DPP10: variants seen among roughly 807,000 people sequenced by gnomAD.
DPP10 encodes inactive dipeptidyl peptidase 10.
DPP10 carries 33 observed loss-of-function variants against 120.9 expected under a neutral mutation model. The ratio of observed to expected loss-of-function variants is 0.27; its 90% CI spans 0.21 to 0.37. The LOEUF is 0.37. Ranked by LOEUF, DPP10 falls within the 10% of genes least tolerant of loss-of-function variation. The pLI, the probability that DPP10 is intolerant of heterozygous loss-of-function variation, is 1.00. For synonymous variants in DPP10, 337 were observed against 326.1 expected (o/e 1.03, Z -0.36); for missense variants, 816 against 942.8 (o/e 0.87, Z 1.76).
intron 1 of DPP10, among the ~76,000 whole-genome samples, chr2:114,766,694 A>G (rs538043507): frequency 6.6e-5 from 10 of 152,340 alleles, no homozygotes; most frequent in African/African-American, 2.2e-4. Context: ...TACAAATTGT[A>G]TAATTTCATT....
intron 5 of DPP10, among the ~76,000 whole-genome samples, chr2:115,644,713 T>G (rs1237897063): frequency 6.6e-6 from 1 of 151,834 alleles, no homozygotes; most frequent in Non-Finnish European, 1.5e-5. Context: ...AGCCCAGGAG[T>G]TTGGGGCTGC....
At chr2:114,787,271 G>A (rs942087285) in intron 1 of DPP10, among the ~76,000 whole-genome samples, 10 of 152,116 alleles carry the variant, frequency 6.6e-5, no homozygotes, top group African/African-American at 2.4e-4. Context: ...GCAAAACCAT[G>A]GGGGCAGGAA....
intron 5 of DPP10, among the ~76,000 whole-genome samples, chr2:115,540,961 T>A (rs528536043): frequency 1.2e-3 from 185 of 151,986 alleles, no homozygotes; most frequent in African/African-American, 4.1e-3. Flanking sequence ...ATGGCATAGA[T>A]GTTCATTTAC....
chr2:115,045,076 A>T (rs1010381863), intron 1 of DPP10, among the ~76,000 whole-genome samples: 3 of 152,226 alleles, frequency 2.0e-5, no homozygotes, highest in Non-Finnish European at 2.9e-5. Flanking sequence ...GCTGCAATAA[A>T]TACAGAGTGC....
chr2:114,586,971 A>G (rs934496313), intron 1 of DPP10, among the ~76,000 whole-genome samples: 1 of 152,174 alleles, frequency 6.6e-6, no homozygotes, highest in Middle Eastern at 3.2e-3. Flanking sequence ...TATGGCCTGC[A>G]AAACCATAAG....
intron 1 of DPP10, among the ~76,000 whole-genome samples, chr2:115,043,553 C>G (rs190193125): frequency 4.1e-4 from 63 of 152,290 alleles, no homozygotes; most frequent in African/African-American, 1.1e-3. Flanking sequence ...CCACAGATTA[C>G]ATAGTAAACT....
chr2:114,861,431 C>G (rs530108620), intron 1 of DPP10, among the ~76,000 whole-genome samples: 1 of 152,156 alleles, frequency 6.6e-6, no homozygotes, highest in East Asian at 1.9e-4. Context: ...GTATCATTCT[C>G]AACTGAATGA....
At chr2:115,258,478 G>T in intron 1 of DPP10, among the ~76,000 whole-genome samples, 2 of 119,800 alleles carry the variant, frequency 1.7e-5, no homozygotes, top group Admixed American at 9.4e-5. Context: ...ATCCAAGTTG[G>T]CAAAAAAAAA....
intron 1 of DPP10, among the ~76,000 whole-genome samples, chr2:115,176,130 G>A (rs994611372): frequency 3.3e-5 from 5 of 151,898 alleles, no homozygotes; most frequent in Non-Finnish European, 7.4e-5. Context: ...TGAGCCTGTA[G>A]CAAAATTACA....
chr2:115,586,615 GA>G (rs2082305597), intron 5 of DPP10, among the ~76,000 whole-genome samples: 2 of 152,088 alleles, frequency 1.3e-5, no homozygotes, highest in African/African-American at 4.8e-5. Context: ...TCTTTCCCAA[GA>G]CAGGATTTTG....
chr2:114,688,972 C>T (rs1393798133), intron 1 of DPP10, among the ~76,000 whole-genome samples: 1 of 151,414 alleles, frequency 6.6e-6, no homozygotes, highest in African/African-American at 2.4e-5. Context: ...GCATGTATCC[C>T]GAGATGTCAT....
At chr2:115,395,824 T>A (rs961721969) in intron 3 of DPP10, among the ~76,000 whole-genome samples, 4 of 152,032 alleles carry the variant, frequency 2.6e-5, no homozygotes, top group Non-Finnish European at 4.4e-5. Flanking sequence ...TTGCAGTTGA[T>A]GAGAATGGGA....
chr2:114,591,877 C>CATCCAAAGTGTATACATCCAA (rs1438147522), intron 1 of DPP10, among the ~76,000 whole-genome samples: 5 of 152,184 alleles, frequency 3.3e-5, no homozygotes, highest in African/African-American at 1.2e-4. Flanking sequence ...TGACTTTATA[C>CATCCAAAGTGTATACATCCAA]AGCTACATCC....
chr2:115,121,983 C>T (rs1223665207), intron 1 of DPP10, among the ~76,000 whole-genome samples: 1 of 152,150 alleles, frequency 6.6e-6, no homozygotes, highest in African/African-American at 2.4e-5. Flanking sequence ...GGGTATGCAT[C>T]GAAGGGTCAT....
At chr2:115,037,848 G>A (rs1417399283) in intron 1 of DPP10, among the ~76,000 whole-genome samples, 1 of 152,152 alleles carries the variant, frequency 6.6e-6, no homozygotes, top group Non-Finnish European at 1.5e-5. Context: ...GTACTTCAAA[G>A]TCTAAAGAGT....
At chr2:115,007,162 GC>G in intron 1 of DPP10, among the ~76,000 whole-genome samples, 1 of 152,224 alleles carries the variant, frequency 6.6e-6, no homozygotes, top group Admixed American at 6.5e-5. Context: ...GAACATTGAT[GC>G]AAAAATCCTC....
chr2:114,801,639 G>A (rs1010117523), intron 1 of DPP10, among the ~76,000 whole-genome samples: 3 of 152,136 alleles, frequency 2.0e-5, no homozygotes, highest in Admixed American at 2.0e-4. Context: ...AATCCATTAA[G>A]CTCTCGGATG....
chr2:115,336,142 ACTTT>A (rs1219496983), intron 2 of DPP10, among the ~76,000 whole-genome samples: 2 of 152,034 alleles, frequency 1.3e-5, no homozygotes, highest in African/African-American at 4.8e-5. Flanking sequence ...ATGCTGAAGA[ACTTT>A]CTTTTTTTTT....
At chr2:114,608,126 A>G (rs565692533) in intron 1 of DPP10, among the ~76,000 whole-genome samples, 1 of 152,188 alleles carries the variant, frequency 6.6e-6, no homozygotes. Context: ...GGTCCTGACT[A>G]AGAGACTTGG....
Sources: allele counts gnomAD v4.1 joint callset (sites outside exome capture counted in the v4.1 genomes callset), GRCh38; gene constraint gnomAD v4.1.1; transcripts MANE v1.5; gene names NCBI Gene and HGNC (gene_info 2026-07-23, HGNC 2026-07-21).